Variants in ADAMTS9 observed in about 807,000 individuals in gnomAD.
ADAMTS9 encodes A disintegrin and metalloproteinase with thrombospondin motifs 9.
ADAMTS9 carries 107 observed loss-of-function variants against 257.1 expected under a neutral mutation model. The observed-to-expected ratio is 0.42, with a 90% CI of 0.36 to 0.49. ADAMTS9 has a LOEUF of 0.49. Ranked by LOEUF, ADAMTS9 falls within the 20% of genes least tolerant of loss-of-function variation. The pLI, the probability that ADAMTS9 is intolerant of heterozygous loss-of-function variation, is 0.03. For missense variants in ADAMTS9, 2,353 were observed against 2,469.1 expected (o/e 0.95, Z 1.00); for synonymous variants, 982 against 880.9 (o/e 1.11, Z -2.03).
rs535019133 is a variant in ADAMTS9 at position 64,681,247 on chromosome 3, G to A, written c.633C>T (p.Ala211=). Residue 211 remains alanine, a synonymous_variant, in exon 3 of 40, where the codon GCC becomes GCT. Coordinates refer to ENST00000498707, the MANE Select transcript of ADAMTS9 (RefSeq NM_182920.2). ...NKPHIIYRRS[A]PQREPSTGRH... is the part of the protein sequence containing the mutation. ...TTCCTGTTGAGGGCTCTCTCTGGGG[G>A]GCGCTGCGCCTATAAATGATGTGGG... The A allele has an allele frequency of 2.8e-5, 45 of 1,613,908 alleles. No homozygotes were observed. Among genetic ancestry groups the A allele is most frequent in the Non-Finnish European group, 3.8e-5 (45 of 1,179,912 alleles).
At chr3:64,685,740 C>T (rs1461433197) in intron 2 of ADAMTS9, among the ~76,000 whole-genome samples, 8 of 152,148 alleles carry the variant, frequency 5.3e-5, no homozygotes, top group Non-Finnish European at 8.8e-5. Flanking sequence ...GGGAAACGTG[C>T]GCCGCAGGCT....
chr3:64,677,722 T>C (rs1701655407), intron 3 of ADAMTS9, among the ~76,000 whole-genome samples: 1 of 152,184 alleles, frequency 6.6e-6, no homozygotes, highest in Admixed American at 6.5e-5. Flanking sequence ...CTAACTTCAA[T>C]CTTGAAAGGT....
rs774690991 is a variant in ADAMTS9 at position 64,602,148 on chromosome 3, G to A, written c.3813C>T (p.His1271=). 1.1e-5 allele frequency: 17 copies of A among 1,614,106 alleles called. No homozygotes were observed. The highest frequency in any genetic ancestry group is 1.2e-5 in the Non-Finnish European group (14 of 1,179,990). ...GGTCACACTCACTCCGATCGATCAC[G>A]TGGTCACTGTAGTTGACACACATCA... ...RQVMCVNYSD[H]VIDRSECDQD... Residue 1271 remains histidine (H), a synonymous_variant, in exon 26 of 40, where the codon CAC becomes CAT. Coordinates refer to ENST00000498707, the MANE Select transcript of ADAMTS9 (RefSeq NM_182920.2).
intron 30 of ADAMTS9, among the ~76,000 whole-genome samples, chr3:64,554,928 G>A (rs1218600128): frequency 2.0e-5 from 3 of 152,242 alleles, no homozygotes; most frequent in African/African-American, 7.2e-5. Flanking sequence ...GCAATGGGTA[G>A]AAATTTTCTT....
intron 28 of ADAMTS9, among the ~76,000 whole-genome samples, chr3:64,593,958 A>G (rs1004961272): frequency 3.2e-5 from 4 of 125,118 alleles, no homozygotes; most frequent in Non-Finnish European, 5.1e-5. Context: ...GTGTGTGTGT[A>G]TGATGTGTGT....
intron 31 of ADAMTS9, among the ~76,000 whole-genome samples, chr3:64,549,471 A>G (rs1239082032): frequency 6.6e-6 from 1 of 152,118 alleles, no homozygotes; most frequent in Non-Finnish European, 1.5e-5. Flanking sequence ...AATATCAAGA[A>G]CTATTCTGAA....
chr3:64,658,599 T>A lies in ADAMTS9; in HGVS notation c.872A>T (p.Tyr291Phe). ...CACCAAGACTTCTACAAACCGTGGA[T>A]AGGATAAAAAACGTTTTGTCCTTCT... Reference protein sequence around the residue: ...THRRTKRFLSYPRFVEVLVVA... With the variant: ...THRRTKRFLSFPRFVEVLVVA... The change falls in exon 4 of 40, where the codon TAT becomes TTT. Residue 291 changes from tyrosine to phenylalanine, a missense_variant. By Grantham distance (22) the Tyr-to-Phe change is conservative. This residue lies in a region of ADAMTS9 where 591 missense variants were observed against 569.6 expected (regional missense o/e 1.04). Transcript: ENST00000498707. 2 of 1,614,162 alleles carry A rather than the reference T, an allele frequency of 1.2e-6. No homozygotes were observed. The highest frequency in any genetic ancestry group is 1.7e-6 in the Non-Finnish European group (2 of 1,180,026).
chr3:64,584,776 T>C (rs1161582712), intron 28 of ADAMTS9, among the ~76,000 whole-genome samples: 1 of 151,704 alleles, frequency 6.6e-6, no homozygotes, highest in African/African-American at 2.4e-5. Context: ...TATATGCTAT[T>C]ATTATTTTGT....
intron 22 of ADAMTS9, among the ~76,000 whole-genome samples, chr3:64,607,568 A>T (rs529067085): frequency 6.6e-6 from 1 of 152,344 alleles, no homozygotes; most frequent in South Asian, 2.1e-4. Flanking sequence ...ACAGGTAGTT[A>T]GGAAAATAAT....
intron 14 of ADAMTS9, 21 bp from the exon 15 acceptor site, chr3:64,631,946 G>C: frequency 6.5e-7 from 1 of 1,543,972 alleles, no homozygotes; most frequent in Non-Finnish European, 8.9e-7. Flanking sequence ...GAAAAGATTT[G>C]AAATAAATGT....
In ADAMTS9 at chr3:64,594,367, C is replaced by T. The variant is rs755716045; in HGVS notation, c.4247G>A (p.Arg1416Gln). ...AATTTCACAGCTCAAATCTGGAAAC[C>T]GTTCACCGTTGGACCGCTGACAGAC... ...LVVCQRSNGE[R>Q]FPDLSCEILD... is the part of the protein sequence containing the mutation. Residue 1416 changes from arginine to glutamine, a missense_variant, in exon 28 of 40, where the codon CGG becomes CAG. This residue lies in a region of ADAMTS9 where 1,402 missense variants were observed against 1,441.4 expected (regional missense o/e 0.97). Transcript: ENST00000498707. 1.1e-5 allele frequency: 17 copies of T among 1,614,074 alleles called. No individual in the cohort carries two copies. The highest frequency in any genetic ancestry group is 6.6e-5 in the South Asian group (6 of 91,082).
At chr3:64,679,479 A>G (rs75260249) in intron 3 of ADAMTS9, among the ~76,000 whole-genome samples, 2,760 of 152,360 alleles carry the variant, frequency 0.018, 44 homozygotes, top group Middle Eastern at 0.048. Context: ...TGTGATAAGG[A>G]TTAAGCAAGG....
At position 64,655,649 on chromosome 3, in the gene ADAMTS9, T is replaced by A; in HGVS notation, c.1096A>T (p.Asn366Tyr). ...ISFNAQTTLK[N>Y]FCQWQHSKNS... Reference sequence around the variant, plus strand: ...TTCGAATGCTGCCACTGGCAAAAGTTTTTTAATGTTGTCTGAGCATTAAAA... The same window carrying A: ...TTCGAATGCTGCCACTGGCAAAAGTATTTTAATGTTGTCTGAGCATTAAAA... The change falls in exon 6 of 40, where the codon AAC becomes TAC. Residue 366 changes from asparagine (N) to tyrosine (Y), a missense_variant. Around this residue, in one of 3 missense-constraint regions of ADAMTS9, gnomAD observed 591 missense variants for 569.6 expected, o/e 1.04. Transcript: ENST00000498707. 6.2e-7 allele frequency: 1 copy of A among 1,614,224 alleles called. No homozygotes were observed. The highest frequency in any genetic ancestry group is 8.5e-7 in the Non-Finnish European group (1 of 1,180,032).
At chr3:64,559,636 A>C (rs1431349179) in intron 30 of ADAMTS9, among the ~76,000 whole-genome samples, 1 of 152,246 alleles carries the variant, frequency 6.6e-6, no homozygotes, top group Non-Finnish European at 1.5e-5. Context: ...ATATTTGAGT[A>C]AGGTTTAAAA....
Position 64,541,198 on chromosome 3 carries a change from G to T in ADAMTS9, c.5418C>A (p.Asn1806Lys), listed in dbSNP as rs138585087. ...ATTGGCAGTCATCGCGCCGGCTCCC[G>T]TTATAGGGACATTCTGTTGGGTTGT... ...RLHNPTECPYNGSRRDDCQCR... is the reference protein window; with the variant it reads ...RLHNPTECPYKGSRRDDCQCR... The change falls in exon 36 of 40, where the codon AAC (asparagine) becomes AAA (lysine). Residue 1806 changes from asparagine to lysine, a missense_variant. Transcript: ENST00000498707. The T allele has an allele frequency of 5.6e-5, 91 of 1,614,056 alleles. No homozygotes were observed. Among genetic ancestry groups the T allele is most frequent in the Non-Finnish European group, 7.5e-5 (89 of 1,180,028 alleles).
At chr3:64,530,526 TAAAAAAAAA>T (rs55726329) in intron 38 of ADAMTS9, among the ~76,000 whole-genome samples, 45 of 116,604 alleles carry the variant, frequency 3.9e-4, no homozygotes, top group African/African-American at 1.2e-3. Context: ...CACCAAGATT[TAAAAAAAAA>T]AAAAAAAAAA....
chr3:64,653,344 G>C (rs1056394559), intron 8 of ADAMTS9, among the ~76,000 whole-genome samples: 1 of 152,200 alleles, frequency 6.6e-6, no homozygotes, highest in Non-Finnish European at 1.5e-5. Flanking sequence ...TGGAAAGCCA[G>C]ACCTCTTTTA....
intron 32 of ADAMTS9, among the ~76,000 whole-genome samples, chr3:64,543,939 T>A (rs1165039457): frequency 1.3e-5 from 2 of 152,190 alleles, no homozygotes; most frequent in Non-Finnish European, 2.9e-5. Flanking sequence ...ACAAATACAA[T>A]GTGCAAAAAT....
At chr3:64,589,471 C>G (rs1022679154) in intron 28 of ADAMTS9, 6 of 152,194 alleles carry the variant, frequency 3.9e-5, no homozygotes, top group African/African-American at 1.4e-4. Flanking sequence ...ATCGGCTAGT[C>G]AAATGGGTTC....
Sources: gnomAD v4.1 joint callset for allele counts (sites outside exome capture counted in the v4.1 genomes callset) on GRCh38, gnomAD v4.1.1 for gene constraint, gnomAD v4.1.1 regional missense constraint, MANE v1.5 for transcripts, NCBI Gene and HGNC (gene_info 2026-07-23, HGNC 2026-07-21) for gene names.